Variants in PLEK observed in about 807,000 individuals in gnomAD.
PLEK encodes the protein pleckstrin, also known as platelet 47 kDa protein.
In PLEK, 25 loss-of-function variants were observed where a neutral mutation model predicts 43.9. The observed-to-expected ratio is 0.57, with a 90% CI of 0.41 to 0.79. The LOEUF is 0.79. PLEK is among the 30% of genes least tolerant of loss of function. The pLI, the probability that PLEK is intolerant of heterozygous loss-of-function variation, is 0.00. For missense variants in PLEK, 396 were observed against 413.3 expected (o/e 0.96, Z 0.36); for synonymous variants, 152 against 144.4 (o/e 1.05, Z -0.38).
intron 4 of PLEK, among the ~76,000 whole-genome samples, chr2:68,385,730 T>A (rs991714089): frequency 7.2e-5 from 11 of 152,224 alleles, no homozygotes; most frequent in Non-Finnish European, 1.3e-4. Flanking sequence ...ATTTTAAGCC[T>A]CTGCCCAGTG....
intron 1 of PLEK, among the ~76,000 whole-genome samples, chr2:68,367,253 C>T (rs1182381825): frequency 2.0e-5 from 3 of 149,616 alleles, no homozygotes; most frequent in Non-Finnish European, 4.5e-5. Flanking sequence ...TTAAGATTCT[C>T]TTTTTTTTTT....
chr2:68,391,725 A>C (rs1031147524), intron 6 of PLEK, among the ~76,000 whole-genome samples: 1 of 152,246 alleles, frequency 6.6e-6, no homozygotes, highest in African/African-American at 2.4e-5. Context: ...TAAAATGAAA[A>C]ATGTTGGAAA....
At chr2:68,376,019 A>G (rs1476110411) in intron 1 of PLEK, among the ~76,000 whole-genome samples, 1 of 152,194 alleles carries the variant, frequency 6.6e-6, no homozygotes, top group Non-Finnish European at 1.5e-5. Flanking sequence ...CCATGCCTGC[A>G]CACAAGGCTG....
At chr2:68,373,573 A>G (rs1673449071) in intron 1 of PLEK, among the ~76,000 whole-genome samples, 1 of 125,100 alleles carries the variant, frequency 8.0e-6, no homozygotes, top group Non-Finnish European at 1.6e-5. Context: ...AACTTAAAGT[A>G]TAATAAAGAA....
chr2:68,393,972 A>C, intron 7 of PLEK, 135 bp from the exon 8 acceptor site: 3 of 613,368 alleles, frequency 4.9e-6, no homozygotes, highest in South Asian at 3.5e-5. Flanking sequence ...GTTTTTCTTT[A>C]ATCTCCTTCT....
At chr2:68,388,626 T>C (rs1198168867) in intron 6 of PLEK, 135 bp downstream of exon 6, 10 of 557,936 alleles carry the variant, frequency 1.8e-5, no homozygotes, top group African/African-American at 5.6e-5. Context: ...GAAAGATAGA[T>C]GAGTAGCTCT....
chr2:68,377,780 G>A (rs10183971), intron 1 of PLEK, among the ~76,000 whole-genome samples: 54,980 of 151,978 alleles, frequency 0.36, 10,944 homozygotes, highest in East Asian at 0.73. Flanking sequence ...ACCTTGATGT[G>A]ATCACATTTG....
At chr2:68,378,497 G>T (rs767973243) in intron 1 of PLEK, among the ~76,000 whole-genome samples, 8 of 152,128 alleles carry the variant, frequency 5.3e-5, no homozygotes, top group Non-Finnish European at 1.2e-4. Context: ...GATCCTCAGG[G>T]CCTTCAGCTT....
At chr2:68,377,815 G>A (rs1033351012) in intron 1 of PLEK, among the ~76,000 whole-genome samples, 5 of 152,126 alleles carry the variant, frequency 3.3e-5, no homozygotes, top group African/African-American at 1.2e-4. Flanking sequence ...GGTTGTCTGT[G>A]CTTATAGGGT....
intron 6 of PLEK, among the ~76,000 whole-genome samples, chr2:68,392,174 C>T (rs72896005): frequency 4.7e-5 from 7 of 149,390 alleles, no homozygotes; most frequent in African/African-American, 1.5e-4. Context: ...TCCTCCTCCT[C>T]CTTCTTCTTC....
intron 3 of PLEK, among the ~76,000 whole-genome samples, chr2:68,381,165 C>T (rs570802233): frequency 9.2e-5 from 14 of 151,936 alleles, no homozygotes; most frequent in African/African-American, 2.7e-4. Flanking sequence ...GAGAAAGAAA[C>T]ATCATCATTG....
intron 4 of PLEK, among the ~76,000 whole-genome samples, chr2:68,384,876 C>G (rs566931707): frequency 6.6e-6 from 1 of 152,362 alleles, no homozygotes; most frequent in South Asian, 2.1e-4. Flanking sequence ...CACCCTGCCT[C>G]TTTCACAGGC....
intron 1 of PLEK, among the ~76,000 whole-genome samples, chr2:68,366,277 G>A (rs1244064428): frequency 6.6e-6 from 1 of 152,378 alleles, no homozygotes; most frequent in East Asian, 1.9e-4. Context: ...GTGAATGTGA[G>A]TCTGTTTTAG....
rs375925332 is a variant in PLEK at position 68,391,404 on chromosome 2, C to G, written c.763-1758C>G. On this transcript the variant is annotated intron_variant, in intron 6 of 8. Coordinates refer to ENST00000234313, the MANE Select transcript of PLEK (RefSeq NM_002664.3). ...TGGTATGGGGTGGCAACTTTAGTGT[C>G]GTTATTCTGAAGGGCAACATTAGTT... 3.3e-5 allele frequency among the ~76,000 whole-genome samples: 5 copies of G among 152,208 alleles called. No individual in the cohort carries two copies. In the South Asian group the frequency reaches 1.0e-3, roughly 32 times the overall value.
At chr2:68,391,684 A>T (rs1172258129) in intron 6 of PLEK, among the ~76,000 whole-genome samples, 1 of 152,248 alleles carries the variant, frequency 6.6e-6, no homozygotes, top group Non-Finnish European at 1.5e-5. Context: ...GTTTGCTAAG[A>T]CCACACATGT....
intron 4 of PLEK, among the ~76,000 whole-genome samples, chr2:68,385,070 A>T (rs554866307): frequency 1.3e-5 from 2 of 152,332 alleles, no homozygotes; most frequent in South Asian, 4.1e-4. Context: ...GCAGGCTGTC[A>T]TGTTGACTCC....
In PLEK at chr2:68,380,746, C is replaced by A. The variant is rs1250129067; in HGVS notation, c.222C>A (p.Thr74=). ...AGTTTGTGTTTAAGATCACTACGAC[C>A]AAACAGCAGGACCACTTCTTCCAGG... ...KRMFVFKITT[T]KQQDHFFQAA... is the part of the protein sequence containing the mutation. The change falls in exon 3 of 9, where the codon ACC becomes ACA. Residue 74 remains threonine (T), a synonymous_variant. Transcript: ENST00000234313. The A allele has an allele frequency of 6.2e-7, 1 of 1,613,600 alleles. No homozygotes were observed. Among genetic ancestry groups the A allele is most frequent in the African/African-American group, 1.3e-5 (1 of 74,880 alleles).
chr2:68,385,269 C>T (rs1673714678), intron 4 of PLEK, among the ~76,000 whole-genome samples: 1 of 152,160 alleles, frequency 6.6e-6, no homozygotes, highest in Admixed American at 6.5e-5. Flanking sequence ...TAAGAACAAA[C>T]ATGCTGTTTT....
At chr2:68,382,457 A>G in intron 3 of PLEK, 85 bp from the exon 4 acceptor site, 1 of 774,166 alleles carries the variant, frequency 1.3e-6, no homozygotes, top group Non-Finnish European at 2.2e-6. Context: ...TCCCAGAGAG[A>G]ACTTACCATT....
Sources: gnomAD v4.1 joint callset for allele counts (sites outside exome capture counted in the v4.1 genomes callset) on GRCh38, gnomAD v4.1.1 for gene constraint, MANE v1.5 for transcripts, NCBI Gene and HGNC (gene_info 2026-07-23, HGNC 2026-07-21) for gene names.